The following LBH variants were observed in gnomAD, a reference collection of about 807,000 sequenced individuals.
The protein encoded by LBH is protein LBH.
Under a neutral mutation model 12.5 loss-of-function variants are expected in LBH, and 7 were observed. That is an observed-to-expected ratio of 0.56 (90% CI 0.32 to 1.05). LBH has a LOEUF of 1.05. Among genes scored for constraint, LBH ranks in the 50% least tolerant of loss-of-function variants. LBH has a pLI of 0.04. For missense variants in LBH, 119 were observed against 138.9 expected, an observed-to-expected ratio of 0.86 and a Z score of 0.72; for synonymous variants, 51 against 50.1, an observed-to-expected ratio of 1.02 and a Z score of -0.08.
At chr2:30,237,701 G>A (rs768371533) in intron 2 of LBH, among the ~76,000 whole-genome samples, 7 of 152,184 alleles carry the variant, frequency 4.6e-5, no homozygotes, top group African/African-American at 1.4e-4. Context: ...ATTCAAGGAA[G>A]CCCCAGCTAC....
rs953826735 is a variant in LBH, at chr2:30,235,731, G to A, written c.129+1224G>A. On this transcript the variant is annotated intron_variant, in intron 2 of 2. Transcript: ENST00000395323. ...TCAAATAGAAAGCCAGGGAGCCAGGGTGGGTGCCATGGAGGGAAAGTAATC... is the reference window on the plus strand; with the variant it reads ...TCAAATAGAAAGCCAGGGAGCCAGGATGGGTGCCATGGAGGGAAAGTAATC... Among the ~76,000 whole-genome samples the A allele has an allele frequency of 5.9e-5, 9 of 152,102 alleles. 1 individual carries two copies. Among genetic ancestry groups the A allele is most frequent in the Non-Finnish European group, 1.3e-4 (9 of 68,026 alleles).
intron 2 of LBH, among the ~76,000 whole-genome samples, chr2:30,236,122 C>T (rs1469569708): frequency 2.0e-5 from 3 of 152,224 alleles, no homozygotes; most frequent in African/African-American, 7.2e-5. Context: ...AGATTTCCAT[C>T]ACAGAACCTT....
intron 2 of LBH, among the ~76,000 whole-genome samples, chr2:30,250,966 A>C (rs1006517074): frequency 6.6e-6 from 1 of 151,902 alleles, no homozygotes; most frequent in Admixed American, 6.5e-5. Flanking sequence ...TGATATTTAT[A>C]GTATATAATA....
intron 2 of LBH, among the ~76,000 whole-genome samples, chr2:30,238,093 A>G (rs79705875): frequency 6.6e-6 from 1 of 152,282 alleles, no homozygotes; most frequent in Non-Finnish European, 1.5e-5. Flanking sequence ...GACTCTAAAA[A>G]TATGGTGTTA....
intron 2 of LBH, among the ~76,000 whole-genome samples, chr2:30,254,831 CT>C (rs1027724443): frequency 5.3e-5 from 8 of 152,246 alleles, no homozygotes; most frequent in Non-Finnish European, 1.0e-4. Flanking sequence ...CTCTTGACAG[CT>C]TATGGCGCTG....
At chr2:30,247,193 T>C (rs1677887011) in intron 2 of LBH, among the ~76,000 whole-genome samples, 1 of 152,320 alleles carries the variant, frequency 6.6e-6, no homozygotes, top group Admixed American at 6.5e-5. Flanking sequence ...TTTTGTACAC[T>C]AAAATTCATT....
At chr2:30,253,008 C>G (rs1379148636) in intron 2 of LBH, among the ~76,000 whole-genome samples, 1 of 152,118 alleles carries the variant, frequency 6.6e-6, no homozygotes, top group Non-Finnish European at 1.5e-5. Context: ...GAGGTTTAAC[C>G]AGAAGCAGTT....
chr2:30,250,186 C>G (rs931192977), intron 2 of LBH, among the ~76,000 whole-genome samples: 2 of 152,158 alleles, frequency 1.3e-5, no homozygotes, highest in Admixed American at 1.3e-4. Flanking sequence ...TTCTCTGCAA[C>G]AAGAGAGGGT....
In LBH at chr2:30,239,891, C is replaced by T. The variant is rs114822928; in HGVS notation, c.129+5384C>T. ...TACCCTGCAGAGGGCTGGAATTATT[C>T]CCATGGGGATTTCCTCCTGGGCCCC... is the stretch of plus-strand genomic sequence containing the variant. On this transcript the variant is annotated intron_variant, in intron 2 of 2. Transcript: ENST00000395323. Among the ~76,000 whole-genome samples the T allele has an allele frequency of 2.9e-3, 437 of 152,322 alleles. 4 individuals are homozygous for T. Among genetic ancestry groups the T allele is most frequent in the African/African-American group, 9.6e-3 (401 of 41,564 alleles).
intron 2 of LBH, among the ~76,000 whole-genome samples, chr2:30,240,216 G>A (rs1344021097): frequency 6.6e-6 from 1 of 152,198 alleles, no homozygotes; most frequent in African/African-American, 2.4e-5. Context: ...GTCCTGCACT[G>A]AGAATCCTTT....
chr2:30,250,564 C>A (rs1462187966), intron 2 of LBH, among the ~76,000 whole-genome samples: 1 of 151,236 alleles, frequency 6.6e-6, no homozygotes, highest in Non-Finnish European at 1.5e-5. Context: ...ATTTTCCATG[C>A]CAGGTGCCAG....
At chr2:30,231,985 G>T (rs966489422) in intron 1 of LBH, among the ~76,000 whole-genome samples, 1 of 152,014 alleles carries the variant, frequency 6.6e-6, no homozygotes, top group Non-Finnish European at 1.5e-5. Context: ...TGAACTCGGA[G>T]CCCTCACCTA....
Position 30,258,108 on chromosome 2 carries a change from A to G in LBH, c.*487A>G, listed in dbSNP as rs933006903. On this transcript the variant is annotated 3_prime_UTR_variant, in exon 3 of 3. Coordinates refer to ENST00000395323, the MANE Select transcript of LBH (RefSeq NM_030915.4). ...ACTGCAGCCAGGATGCGCTCAGCAG[A>G]CATTCACTCTGGCTGCTGGGACATC... 3.2e-5 allele frequency: 5 copies of G among 155,164 alleles called. No individual in the cohort carries two copies. The highest frequency in any genetic ancestry group is 1.2e-4 in the African/African-American group (5 of 41,470). 9.6% of individuals were successfully genotyped at this position (155,164 alleles called of 1,614,324 possible).
chr2:30,255,534 T>A (rs1157456049), intron 2 of LBH, among the ~76,000 whole-genome samples: 1 of 152,204 alleles, frequency 6.6e-6, no homozygotes, highest in Non-Finnish European at 1.5e-5. Flanking sequence ...TAAGGCTTAA[T>A]CCCCAGCAAT....
intron 1 of LBH, 74 bp downstream of exon 1, chr2:30,231,838 G>C: frequency 1.4e-6 from 2 of 1,381,828 alleles, no homozygotes; most frequent in Non-Finnish European, 1.9e-6. Flanking sequence ...GCTTCGTGCC[G>C]GCTCCGGGTG....
chr2:30,243,414 T>C (rs1221755765), intron 2 of LBH, among the ~76,000 whole-genome samples: 1 of 152,138 alleles, frequency 6.6e-6, no homozygotes, highest in Non-Finnish European at 1.5e-5. Context: ...GTTCACCAGA[T>C]GCATGCTTTG....
intron 2 of LBH, among the ~76,000 whole-genome samples, chr2:30,242,433 G>A (rs987096177): frequency 2.6e-5 from 4 of 151,968 alleles, no homozygotes; most frequent in Non-Finnish European, 4.4e-5. Context: ...TAGTAGAGAC[G>A]GGGTTTTGCC....
intron 2 of LBH, among the ~76,000 whole-genome samples, chr2:30,252,604 G>C (rs1302118844): frequency 2.6e-5 from 4 of 152,118 alleles, no homozygotes; most frequent in Admixed American, 6.5e-5. Context: ...GGAGCTTGCA[G>C]TGAGCAGAGA....
Position 30,232,058 on chromosome 2 carries a change from C to A in LBH, c.26+294C>A, listed in dbSNP as rs1196043171. 4.1e-6 allele frequency: 6 copies of A among 1,463,896 alleles called. 1 individual carries two copies. The South Asian group carries it at 6.7e-5, about 16-fold the overall frequency. 90.7% of individuals were successfully genotyped at this position (1,463,896 alleles called of 1,614,324 possible). On this transcript the variant is annotated intron_variant, in intron 1 of 2. Coordinates refer to ENST00000395323, the MANE Select transcript of LBH (RefSeq NM_030915.4). ...GCCAGGGGTCACGTGTGAATCCCCC[C>A]CAATGAAACCACCCTATGCGGAGAG...
Sources: gnomAD v4.1 joint callset for allele counts (sites outside exome capture counted in the v4.1 genomes callset) on GRCh38, gnomAD v4.1.1 for gene constraint, MANE v1.5 for transcripts, NCBI Gene and HGNC (gene_info 2026-07-23, HGNC 2026-07-21) for gene names.